ITSN1: variants seen among roughly 807,000 people sequenced by gnomAD.
ITSN1 encodes intersectin-1.
Under a neutral mutation model 239.8 loss-of-function variants are expected in ITSN1, and 58 were observed. That is an observed-to-expected ratio of 0.24 (90% CI 0.20 to 0.30). The LOEUF (loss-of-function observed/expected upper bound fraction) is 0.30. Ranked by LOEUF, ITSN1 falls within the 10% of genes least tolerant of loss-of-function variation. ITSN1 has a pLI of 1.00. For missense variants in ITSN1, 1,558 were observed against 2,103.3 expected (o/e 0.74, Z 5.07); for synonymous variants, 780 against 770.8 (o/e 1.01, Z -0.20).
rs2065463683 is a variant in ITSN1 at position 33,721,267 on chromosome 21, A to G, written c.118A>G (p.Thr40Ala). 1.3e-6 allele frequency: 2 copies of G among 1,585,276 alleles called. No individual in the cohort carries two copies. The highest frequency in any genetic ancestry group is 1.3e-5 in the African/African-American group (1 of 74,394). ...HSLKPISGFI[T>A]GDQARNFFFQ... ...TTTAAAGCCAATATCTGGATTCATT[A>G]CTGGTAATCACAGTCAGCATTTTTT... The change falls in exon 3 of 40, where the codon ACT (threonine) becomes GCT (alanine). Residue 40 changes from threonine to alanine, a missense_variant. Thr to Ala is a moderately conservative substitution (Grantham distance 58). This residue lies in a region of ITSN1 where 982 missense variants were observed against 1,209.9 expected (regional missense o/e 0.81). Transcript: ENST00000381318.
intron 16 of ITSN1, among the ~76,000 whole-genome samples, chr21:33,787,318 G>A (rs2070753752): frequency 6.6e-6 from 1 of 152,166 alleles, no homozygotes; most frequent in African/African-American, 2.4e-5. Context: ...TATTCCAAAT[G>A]TGTATAGCAT....
intron 22 of ITSN1, among the ~76,000 whole-genome samples, chr21:33,815,914 G>A (rs550437018): frequency 6.6e-6 from 1 of 152,236 alleles, no homozygotes; most frequent in Non-Finnish European, 1.5e-5. Flanking sequence ...TTGGGCCGGC[G>A]CGGTGGCTCA....
At chr21:33,808,566 CA>C (rs1224279960) in intron 20 of ITSN1, among the ~76,000 whole-genome samples, 2 of 147,300 alleles carry the variant, frequency 1.4e-5, no homozygotes, top group Non-Finnish European at 3.0e-5. Flanking sequence ...GCCTGGGTGA[CA>C]AGAGTGAGAC....
At position 33,750,228 on chromosome 21, in the gene ITSN1, A is replaced by C. The variant is rs753840804; in HGVS notation, c.432A>C (p.Pro144=). The C allele has an allele frequency of 1.9e-6, 3 of 1,614,036 alleles. No individual in the cohort carries two copies. The highest frequency in any genetic ancestry group is 2.5e-6 in the Non-Finnish European group (3 of 1,180,004). The change falls in exon 6 of 40, where the codon CCA becomes CCC. Residue 144 remains proline, a synonymous_variant. Coordinates refer to ENST00000381318, the MANE Select transcript of ITSN1 (RefSeq NM_003024.3). ...MGSIPVVGMS[P]TLVSSVPTAA... is the part of the protein sequence containing the mutation. The stretch of plus-strand genomic sequence containing the variant: ...CCATTCCAGTTGTTGGAATGTCTCC[A>C]ACCCTAGTATCTTCTGTTCCCACAG...
At chr21:33,659,475 C>G (rs574436509) in intron 1 of ITSN1, among the ~76,000 whole-genome samples, 65 of 152,156 alleles carry the variant, frequency 4.3e-4, no homozygotes, top group Non-Finnish European at 8.8e-4. Flanking sequence ...GGACCAAGCC[C>G]TTGATTTGGG....
intron 5 of ITSN1, among the ~76,000 whole-genome samples, chr21:33,739,736 G>A (rs2066728485): frequency 6.6e-6 from 1 of 152,182 alleles, no homozygotes; most frequent in Non-Finnish European, 1.5e-5. Flanking sequence ...AAGTCCTAAG[G>A]CAAAAACTAG....
chr21:33,881,330 C>A (rs1189463059), intron 34 of ITSN1, among the ~76,000 whole-genome samples: 1 of 151,668 alleles, frequency 6.6e-6, no homozygotes, highest in Non-Finnish European at 1.5e-5. Context: ...TGGCGTCAAC[C>A]CGGGAGGCGG....
At chr21:33,864,637 C>G (rs9984452) in intron 31 of ITSN1, among the ~76,000 whole-genome samples, 126,989 of 152,296 alleles carry the variant, frequency 0.83, 53,560 homozygotes, top group East Asian at 0.96. Flanking sequence ...CACAGAGATA[C>G]TTCAAACAGT....
At chr21:33,856,709 G>C in intron 29 of ITSN1, 27 bp from the exon 30 acceptor site, 3 of 1,612,812 alleles carry the variant, frequency 1.9e-6, no homozygotes. Context: ...ACTGTGCTAA[G>C]TTCTCCCAAA....
rs1986437633 is a variant in ITSN1, at chr21:33,892,608, G to A, written c.*4308G>A. The A allele has an allele frequency of 6.6e-6, 1 of 152,182 alleles. No homozygotes were observed. 9.4% of individuals were successfully genotyped at this position (152,182 alleles called of 1,614,324 possible). On this transcript the variant is annotated 3_prime_UTR_variant, in exon 40 of 40. Transcript: ENST00000381318. ...AGGGACAGAAACAGGCTTGTATTAA[G>A]TATGAGTGGCAGGTACTTCTCTAGA...
intron 28 of ITSN1, 72 bp from the exon 29 acceptor site, chr21:33,836,369 A>C: frequency 6.2e-6 from 7 of 1,121,676 alleles, no homozygotes; most frequent in Non-Finnish European, 8.7e-6. Flanking sequence ...GGGAATGTTG[A>C]ATGGCTGCGC....
At chr21:33,713,724 A>T (rs992689409) in intron 1 of ITSN1, among the ~76,000 whole-genome samples, 1 of 151,638 alleles carries the variant, frequency 6.6e-6, no homozygotes, top group South Asian at 2.1e-4. Flanking sequence ...ACATGTTTCT[A>T]CTATTGTCTG....
At chr21:33,730,429 T>A (rs1235468676) in intron 4 of ITSN1, among the ~76,000 whole-genome samples, 2 of 127,532 alleles carry the variant, frequency 1.6e-5, no homozygotes, top group East Asian at 5.3e-4. Flanking sequence ...GGAGACAGAG[T>A]CTTGCTCTGT....
chr21:33,732,038 G>GCTCT, intron 4 of ITSN1, among the ~76,000 whole-genome samples: 1 of 152,108 alleles, frequency 6.6e-6, no homozygotes, highest in Non-Finnish European at 1.5e-5. Context: ...TGGAAGCAGA[G>GCTCT]GCTTCCAGGT....
chr21:33,741,520 A>G (rs1196845251), intron 5 of ITSN1, among the ~76,000 whole-genome samples: 1 of 151,974 alleles, frequency 6.6e-6, no homozygotes, highest in Non-Finnish European at 1.5e-5. Flanking sequence ...CTATAATTAT[A>G]AACTTACTCA....
intron 22 of ITSN1, among the ~76,000 whole-genome samples, chr21:33,816,603 AC>A (rs140527743): frequency 5.3e-5 from 8 of 152,346 alleles, no homozygotes; most frequent in Non-Finnish European, 1.0e-4. Context: ...GAAAAGGTTG[AC>A]AAAGCAGACA....
chr21:33,850,263 A>G (rs1278447850), intron 29 of ITSN1, among the ~76,000 whole-genome samples: 2 of 152,198 alleles, frequency 1.3e-5, no homozygotes, highest in Non-Finnish European at 2.9e-5. Flanking sequence ...CATCTGGGTT[A>G]CATCTGAATG....
At chr21:33,745,723 A>G (rs2067137980) in intron 5 of ITSN1, among the ~76,000 whole-genome samples, 1 of 152,168 alleles carries the variant, frequency 6.6e-6, no homozygotes, top group East Asian at 1.9e-4. Context: ...TGGAAATGAC[A>G]ATTCTGGCCA....
intron 21 of ITSN1, among the ~76,000 whole-genome samples, chr21:33,812,330 T>C (rs2072971001): frequency 1.3e-5 from 2 of 152,230 alleles, no homozygotes; most frequent in South Asian, 4.1e-4. Flanking sequence ...CTTCAATATA[T>C]GTATGGTGTG....
Sources: gnomAD v4.1 joint callset for allele counts (sites outside exome capture counted in the v4.1 genomes callset) on GRCh38, gnomAD v4.1.1 for gene constraint, gnomAD v4.1.1 regional missense constraint, MANE v1.5 for transcripts, NCBI Gene and HGNC (gene_info 2026-07-23, HGNC 2026-07-21) for gene names.